Variants in SPIN1 observed in about 807,000 individuals in gnomAD.
SPIN1 encodes spindlin-1.
SPIN1 carries 3 observed loss-of-function variants against 26.0 expected under a neutral mutation model. The observed-to-expected ratio is 0.12, with a 90% CI of 0.05 to 0.30. The LOEUF (loss-of-function observed/expected upper bound fraction) is 0.30. Among genes scored for constraint, SPIN1 ranks in the 10% least tolerant of loss-of-function variants. SPIN1 has a pLI of 1.00. For missense variants in SPIN1, 126 were observed against 333.4 expected (o/e 0.38, Z 4.84); for synonymous variants, 101 against 116.5 (o/e 0.87, Z 0.86).
chr9:88,457,488 C>A lies in SPIN1; in HGVS notation c.102-5008C>A, dbSNP rs141521118. The stretch of plus-strand genomic sequence containing the variant: ...GAGGTTGCAGTGAGCTGAGATTGCA[C>A]CACTATACTCCAGCCTGGGTGACTG... On this transcript the variant is annotated intron_variant, in intron 3 of 5. Transcript: ENST00000375859. Among the ~76,000 whole-genome samples, 137 of 152,068 alleles carry A rather than the reference C, an allele frequency of 9.0e-4. 1 individual carries two copies. Among genetic ancestry groups the A allele is most frequent in the African/African-American group, 3.2e-3 (133 of 41,456 alleles).
chr9:88,391,982 G>T lies in SPIN1; in HGVS notation c.-159+3444G>T, dbSNP rs183983311. ...AACCCAAACTCCAGCAAATATTGGT[G>T]AAAGAGCCAACCCGCAAAGCCTTTT... is the stretch of plus-strand genomic sequence containing the variant. On this transcript the variant is annotated intron_variant, in intron 1 of 5. Transcript: ENST00000375859. 280 of 152,332 alleles carry T rather than the reference G, an allele frequency of 1.8e-3. 9 individuals carry two copies. The South Asian group carries it at 0.046, about 25-fold the overall frequency. The allele number at this position is 152,332 out of a possible 1,614,324, so 9.4% of individuals were successfully genotyped here.
At chr9:88,468,012 A>G (rs909634848) in intron 4 of SPIN1, among the ~76,000 whole-genome samples, 2 of 152,222 alleles carry the variant, frequency 1.3e-5, no homozygotes, top group East Asian at 1.9e-4. Context: ...AATTATCTCA[A>G]AATTTAACTG....
intron 1 of SPIN1, among the ~76,000 whole-genome samples, chr9:88,413,356 G>C (rs1405658192): frequency 6.6e-6 from 1 of 150,536 alleles, no homozygotes; most frequent in Non-Finnish European, 1.5e-5. Flanking sequence ...TTACAGGTGT[G>C]AGCCACTTCC....
In SPIN1 at chr9:88,476,205, C is replaced by G. The variant is rs1041205745; in HGVS notation, c.*928C>G. On this transcript the variant is annotated 3_prime_UTR_variant, in exon 6 of 6. Transcript: ENST00000375859. ...GGTCCATTGTGTACAAGTCAGTAATCTGGATTTCAGTACATGGATTTAAAA... is the reference window on the plus strand; with the variant it reads ...GGTCCATTGTGTACAAGTCAGTAATGTGGATTTCAGTACATGGATTTAAAA... 1.3e-5 allele frequency: 2 copies of G among 152,038 alleles called. No individual in the cohort carries two copies. Among genetic ancestry groups the G allele is most frequent in the Admixed American group, 6.6e-5 (1 of 15,266 alleles). The allele number at this position is 152,038 out of a possible 1,614,324, so 9.4% of individuals were successfully genotyped here.
intron 4 of SPIN1, among the ~76,000 whole-genome samples, chr9:88,463,672 T>G (rs1828612059): frequency 6.6e-6 from 1 of 152,236 alleles, no homozygotes; most frequent in South Asian, 2.1e-4. Context: ...TGTTTTACTC[T>G]TCTCTTTAGA....
intron 1 of SPIN1, among the ~76,000 whole-genome samples, chr9:88,401,062 A>G (rs964298473): frequency 3.3e-5 from 5 of 152,118 alleles, no homozygotes; most frequent in African/African-American, 1.2e-4. Flanking sequence ...CCCTTAAATA[A>G]CTTGCATTGT....
At chr9:88,465,303 G>T (rs544768810) in intron 4 of SPIN1, among the ~76,000 whole-genome samples, 1 of 152,304 alleles carries the variant, frequency 6.6e-6, no homozygotes, top group African/African-American at 2.4e-5. Context: ...GAGTGGGATT[G>T]CTGGATCATA....
chr9:88,456,169 A>G (rs1382616333), intron 3 of SPIN1, among the ~76,000 whole-genome samples: 2 of 152,234 alleles, frequency 1.3e-5, no homozygotes, highest in Non-Finnish European at 2.9e-5. Context: ...TTGGACAGAT[A>G]TTGCCAAACT....
chr9:88,425,593 T>C (rs562517041), intron 1 of SPIN1, among the ~76,000 whole-genome samples: 1 of 151,470 alleles, frequency 6.6e-6, no homozygotes, highest in East Asian at 2.0e-4. Flanking sequence ...CAGAATTGCT[T>C]GAACCCGGGA....
intron 2 of SPIN1, among the ~76,000 whole-genome samples, chr9:88,448,451 A>G (rs78802234): frequency 0.026 from 4,010 of 152,124 alleles, 177 homozygotes; most frequent in African/African-American, 0.092. Flanking sequence ...TCCTGGGCTC[A>G]AGCACTCCCC....
chr9:88,407,773 T>A (rs2117942170), intron 1 of SPIN1, among the ~76,000 whole-genome samples: 1 of 151,814 alleles, frequency 6.6e-6, no homozygotes, highest in Non-Finnish European at 1.5e-5. Context: ...CTCTTTTTTT[T>A]TTTTTGAGAC....
chr9:88,445,561 TTA>T (rs1491201016), intron 2 of SPIN1, among the ~76,000 whole-genome samples: 2 of 147,300 alleles, frequency 1.4e-5, no homozygotes, highest in Admixed American at 6.8e-5. Flanking sequence ...ATTATTATTA[TTA>T]TATTGAGATG....
At chr9:88,432,036 A>G (rs1365950058) in intron 2 of SPIN1, among the ~76,000 whole-genome samples, 2 of 152,118 alleles carry the variant, frequency 1.3e-5, no homozygotes, top group Non-Finnish European at 2.9e-5. Flanking sequence ...TCCAGAAAAA[A>G]AAATAGATTT....
At chr9:88,451,946 A>T (rs1282844679) in intron 3 of SPIN1, among the ~76,000 whole-genome samples, 1 of 152,170 alleles carries the variant, frequency 6.6e-6, no homozygotes, top group Non-Finnish European at 1.5e-5. Flanking sequence ...CAGTTTTCAA[A>T]TGTAAATTCC....
At chr9:88,471,785 A>G (rs1373958780) in intron 5 of SPIN1, among the ~76,000 whole-genome samples, 1 of 150,258 alleles carries the variant, frequency 6.7e-6, no homozygotes, top group Non-Finnish European at 1.5e-5. Flanking sequence ...TCTTGATTAC[A>G]TTGCTTTGTG....
rs191914576 is a variant in SPIN1 at position 88,478,477 on chromosome 9, C to T, written c.*3200C>T. 29 of 152,728 alleles carry T rather than the reference C, an allele frequency of 1.9e-4. No individual in the cohort carries two copies. Among genetic ancestry groups the T allele is most frequent in the Non-Finnish European group, 2.1e-4 (14 of 68,022 alleles). The allele number at this position is 152,728 out of a possible 1,614,324, so 9.5% of individuals were successfully genotyped here. A position where few individuals can be genotyped will look rare whatever the true frequency, so the allele number is the denominator to read the frequency against. The stretch of plus-strand genomic sequence containing the variant: ...TGAATGTGTATAGGTCAGAGGTCTT[C>T]GTGTTCACATTTTAAAATTAGGTAA... On this transcript the variant is annotated 3_prime_UTR_variant, in exon 6 of 6. Coordinates refer to ENST00000375859, the MANE Select transcript of SPIN1 (RefSeq NM_006717.3).
At chr9:88,468,319 C>G in intron 4 of SPIN1, 53 bp from the exon 5 acceptor site, 1 of 1,319,162 alleles carries the variant, frequency 7.6e-7, no homozygotes, top group African/African-American at 1.5e-5. Context: ...TCTTCATAGT[C>G]GGTAATCAGC....
intron 5 of SPIN1, among the ~76,000 whole-genome samples, chr9:88,471,654 CAAAAAAAA>C (rs1166469042): frequency 2.5e-4 from 15 of 59,748 alleles, no homozygotes; most frequent in African/African-American, 5.4e-4. Context: ...GACTCTGTCT[CAAAAAAAA>C]AAAAAAAAAA....
At chr9:88,472,008 A>G (rs1222956236) in intron 5 of SPIN1, among the ~76,000 whole-genome samples, 1 of 152,114 alleles carries the variant, frequency 6.6e-6, no homozygotes, top group Non-Finnish European at 1.5e-5. Context: ...CATATTGGCC[A>G]GGCTGGTCTC....
Sources: allele counts gnomAD v4.1 joint callset (sites outside exome capture counted in the v4.1 genomes callset), GRCh38; gene constraint gnomAD v4.1.1; transcripts MANE v1.5; gene names NCBI Gene and HGNC (gene_info 2026-07-23, HGNC 2026-07-21).